WWTR1: variants seen among roughly 807,000 people sequenced by gnomAD.
WWTR1 encodes WW domain-containing transcription regulator protein 1.
A neutral mutation model predicts 40.1 loss-of-function variants in WWTR1; 13 were observed. The ratio of observed to expected loss-of-function variants is 0.32; its 90% CI spans 0.21 to 0.52. The LOEUF is 0.52. Among genes scored for constraint, WWTR1 ranks in the 20% least tolerant of loss-of-function variants. The pLI is 0.97. For synonymous variants in WWTR1, 230 were observed against 210.1 expected, an observed-to-expected ratio of 1.09 and a Z score of -0.82; for missense variants, 436 against 523.1, an observed-to-expected ratio of 0.83 and a Z score of 1.63.
Position 149,717,260 on chromosome 3 carries a change from G to A in WWTR1, n.584+182C>T, listed in dbSNP as rs147824873. Among the ~76,000 whole-genome samples, 706 of 152,172 alleles carry A rather than the reference G, an allele frequency of 4.6e-3. 2 individuals carry two copies. Among genetic ancestry groups the A allele is most frequent in the African/African-American group, 0.016 (665 of 41,486 alleles). ...TCTATTATCTCACTTTATAAGCTTCGAAGGCTAAAGTAATGAATACAATTT... is the reference window on the plus strand; with the variant it reads ...TCTATTATCTCACTTTATAAGCTTCAAAGGCTAAAGTAATGAATACAATTT... On this transcript the variant is annotated intron_variant and non_coding_transcript_variant, in intron 5 of 6. Transcript: ENST00000474080.
At chr3:149,565,140 T>A (rs897732200) in intron 3 of WWTR1, among the ~76,000 whole-genome samples, 2 of 151,538 alleles carry the variant, frequency 1.3e-5, no homozygotes, top group African/African-American at 4.9e-5. Flanking sequence ...TGAGCCGAGA[T>A]CACACCACTG....
chr3:149,524,534 G>A (rs1303316143), intron 6 of WWTR1, among the ~76,000 whole-genome samples: 1 of 152,100 alleles, frequency 6.6e-6, no homozygotes, highest in Non-Finnish European at 1.5e-5. Context: ...AGAGATAAAG[G>A]TGGCAGGGGG....
intron 6 of WWTR1, among the ~76,000 whole-genome samples, chr3:149,523,731 C>T (rs1362459206): frequency 6.6e-6 from 1 of 152,198 alleles, no homozygotes; most frequent in Non-Finnish European, 1.5e-5. Context: ...GTGGCCAGCG[C>T]GTGGTCCACA....
rs374427935 is a variant in WWTR1, at chr3:149,542,400, G to T, written c.706C>A (p.Arg236=). The T allele has an allele frequency of 1.2e-6, 2 of 1,614,078 alleles. No homozygotes were observed. Among genetic ancestry groups the T allele is most frequent in the South Asian group, 1.1e-5 (1 of 91,068 alleles). ...CTCTCCATCTGGATTCTCTGAAGCC[G>T]CAGTTTCTGCTGCTGCTGCTGCTGA... ...TTQQQQQQKL[R]LQRIQMERER... The change falls in exon 4 of 7, where the codon CGG becomes AGG. Residue 236 remains arginine, a synonymous_variant. Transcript: ENST00000360632.
At chr3:149,690,451 A>G (rs931731231) in intron 1 of WWTR1, among the ~76,000 whole-genome samples, 1 of 152,202 alleles carries the variant, frequency 6.6e-6, no homozygotes, top group African/African-American at 2.4e-5. Context: ...TGGAAATGAA[A>G]AAAAGCAGGA....
chr3:149,545,568 C>T (rs1219420730), intron 3 of WWTR1, among the ~76,000 whole-genome samples: 2 of 152,214 alleles, frequency 1.3e-5, no homozygotes, highest in African/African-American at 2.4e-5. Flanking sequence ...ATCACCCAGG[C>T]TGGAGTGCAG....
At chr3:149,672,933 C>T (rs1714144022) in intron 1 of WWTR1, among the ~76,000 whole-genome samples, 2 of 152,098 alleles carry the variant, frequency 1.3e-5, no homozygotes, top group South Asian at 4.2e-4. Context: ...CAGGCGCATG[C>T]TACCACATCC....
chr3:149,562,243 C>T (rs1737115631), intron 3 of WWTR1, among the ~76,000 whole-genome samples: 1 of 150,596 alleles, frequency 6.6e-6, no homozygotes, highest in African/African-American at 2.5e-5. Flanking sequence ...TGCAGTGAGC[C>T]GAGGTCTTGC....
chr3:149,559,438 T>C (rs1251656080), intron 3 of WWTR1, among the ~76,000 whole-genome samples: 1 of 151,702 alleles, frequency 6.6e-6, no homozygotes, highest in Non-Finnish European at 1.5e-5. Context: ...TGTAGATAGA[T>C]AGATAGATGG....
intron 5 of WWTR1, among the ~76,000 whole-genome samples, chr3:149,711,943 C>T (rs1335108535): frequency 6.6e-6 from 1 of 152,168 alleles, no homozygotes; most frequent in South Asian, 2.1e-4. Flanking sequence ...TTACTTACCT[C>T]TAGTTATCTG....
intron 4 of WWTR1, among the ~76,000 whole-genome samples, chr3:149,536,716 T>C (rs1735854108): frequency 6.6e-6 from 1 of 151,374 alleles, no homozygotes; most frequent in African/African-American, 2.4e-5. Context: ...AGCATTTTTG[T>C]TTGACAAACT....
rs976742019 is a variant in WWTR1, at chr3:149,534,446, C to T, written c.772-6477G>A. On this transcript the variant is annotated intron_variant, in intron 4 of 6. Transcript: ENST00000360632. ...CAGCAATAAAATAGAAAGACCAACC[C>T]CTCTACCTCAGACAGTTCAGAGGAA... Among the ~76,000 whole-genome samples, 7 of 152,168 alleles carry T rather than the reference C, an allele frequency of 4.6e-5. No individual in the cohort carries two copies. The East Asian group carries it at 1.4e-3, about 29-fold the overall frequency.
intron 2 of WWTR1, among the ~76,000 whole-genome samples, chr3:149,590,591 A>G (rs1461541020): frequency 6.6e-6 from 1 of 152,196 alleles, no homozygotes; most frequent in Non-Finnish European, 1.5e-5. Context: ...GGTTGCAGCG[A>G]GCCGAGATCA....
At chr3:149,721,132 A>G (rs904510901) in intron 4 of WWTR1, among the ~76,000 whole-genome samples, 23 of 152,188 alleles carry the variant, frequency 1.5e-4, no homozygotes, top group South Asian at 1.5e-3. Flanking sequence ...TGCTATGTCT[A>G]GCATTTCCAA....
At chr3:149,640,463 A>C (rs1490941139) in intron 2 of WWTR1, among the ~76,000 whole-genome samples, 1 of 152,080 alleles carries the variant, frequency 6.6e-6, no homozygotes, top group African/African-American at 2.4e-5. Context: ...CTCTGCCCCC[A>C]AAGCTGAAAT....
intron 1 of WWTR1, chr3:149,670,812 C>T (rs566708398): frequency 6.6e-6 from 1 of 152,146 alleles, no homozygotes; most frequent in African/African-American, 2.4e-5. Flanking sequence ...CCTGCTGCAA[C>T]AGGACCAGCT....
intron 2 of WWTR1, among the ~76,000 whole-genome samples, chr3:149,597,845 C>G (rs894291363): frequency 6.6e-5 from 10 of 152,168 alleles, no homozygotes; most frequent in African/African-American, 2.4e-4. Flanking sequence ...GTTTGGTTTG[C>G]TTGAATCACA....
chr3:149,701,735 A>G (rs1715185338), intron 1 of WWTR1: 1 of 174,584 alleles, frequency 5.7e-6, no homozygotes, highest in South Asian at 2.0e-4. Flanking sequence ...TGTCTTTTTA[A>G]CCGTAAGCTG....
intron 2 of WWTR1, among the ~76,000 whole-genome samples, chr3:149,575,107 A>G (rs757103903): frequency 1.3e-5 from 2 of 152,106 alleles, no homozygotes; most frequent in Non-Finnish European, 1.5e-5. Flanking sequence ...CAAAAAAAAA[A>G]GATGGGGAAA....
Sources: gnomAD v4.1 joint callset for allele counts (sites outside exome capture counted in the v4.1 genomes callset) on GRCh38, gnomAD v4.1.1 for gene constraint, MANE v1.5 for transcripts, NCBI Gene and HGNC (gene_info 2026-07-23, HGNC 2026-07-21) for gene names.